CDH18: variants seen among roughly 807,000 people sequenced by gnomAD.
The protein encoded by CDH18 is cadherin 18, also known as cadherin-18.
In CDH18, 31 loss-of-function variants were observed where a neutral mutation model predicts 67.9. The observed-to-expected ratio is 0.46, with a 90% CI of 0.34 to 0.62. The LOEUF (loss-of-function observed/expected upper bound fraction) is 0.62. CDH18 is among the 20% of genes least tolerant of loss of function. The probability of loss-of-function intolerance (pLI) is 0.01; values close to 1 mark genes in which losing one functional copy is unlikely to be tolerated. For synonymous variants in CDH18, 362 were observed against 347.2 expected, an observed-to-expected ratio of 1.04 and a Z score of -0.48; for missense variants, 890 against 975.5, an observed-to-expected ratio of 0.91 and a Z score of 1.17.
intron 5 of CDH18, among the ~76,000 whole-genome samples, chr5:19,648,034 C>T (rs536668688): frequency 6.6e-6 from 1 of 151,732 alleles, no homozygotes; most frequent in South Asian, 2.1e-4. Flanking sequence ...GCAGAACTGT[C>T]AAACTTACCA....
chr5:20,514,532 CAA>C (rs1755239865), intron 1 of CDH18, among the ~76,000 whole-genome samples: 1 of 152,002 alleles, frequency 6.6e-6, no homozygotes, highest in Non-Finnish European at 1.5e-5. Context: ...TGATCGTTGA[CAA>C]GGGTTATTTT....
intron 1 of CDH18, among the ~76,000 whole-genome samples, chr5:20,266,463 G>C (rs1386008129): frequency 6.6e-6 from 1 of 151,910 alleles, no homozygotes; most frequent in East Asian, 1.9e-4. Context: ...GAGTACAGTG[G>C]TGCGATTTCA....
intron 5 of CDH18, among the ~76,000 whole-genome samples, chr5:19,688,690 A>G (rs1047587832): frequency 2.6e-5 from 4 of 152,182 alleles, no homozygotes; most frequent in African/African-American, 9.6e-5. Flanking sequence ...AACAGATTTC[A>G]ATAAAAAAAG....
At chr5:19,994,707 A>G (rs1338142388) in intron 2 of CDH18, among the ~76,000 whole-genome samples, 1 of 13,602 alleles carries the variant, frequency 7.4e-5, no homozygotes, top group Non-Finnish European at 1.2e-4. Flanking sequence ...TCCAGTATAT[A>G]TATATATATA....
chr5:19,849,939 G>C (rs1395581372), intron 2 of CDH18, among the ~76,000 whole-genome samples: 1 of 151,584 alleles, frequency 6.6e-6, no homozygotes, highest in Non-Finnish European at 1.5e-5. Context: ...ATTTGTCTCA[G>C]ATGAAATTTG....
At chr5:20,441,885 T>C (rs1004126471) in intron 1 of CDH18, among the ~76,000 whole-genome samples, 2 of 151,868 alleles carry the variant, frequency 1.3e-5, no homozygotes, top group African/African-American at 2.4e-5. Flanking sequence ...ATTATGTGCA[T>C]AACACCAATA....
chr5:19,848,980 C>A, intron 2 of CDH18, among the ~76,000 whole-genome samples: 1 of 149,350 alleles, frequency 6.7e-6, no homozygotes, highest in Non-Finnish European at 1.5e-5. Context: ...TATAATATAG[C>A]CTATATAAAA....
intron 9 of CDH18, among the ~76,000 whole-genome samples, chr5:19,525,125 T>C (rs1301916536): frequency 1.3e-5 from 2 of 152,180 alleles, no homozygotes; most frequent in Non-Finnish European, 2.9e-5. Flanking sequence ...ATGAAAGGAT[T>C]CTGGAAAAAC....
At chr5:20,215,281 A>AGCAGT in intron 2 of CDH18, among the ~76,000 whole-genome samples, 1 of 152,010 alleles carries the variant, frequency 6.6e-6, no homozygotes, top group East Asian at 1.9e-4. Context: ...TGAATAAGGT[A>AGCAGT]GCAGTAGATT....
At chr5:20,320,852 C>A (rs1172720874) in intron 1 of CDH18, among the ~76,000 whole-genome samples, 1 of 152,146 alleles carries the variant, frequency 6.6e-6, no homozygotes, top group East Asian at 1.9e-4. Flanking sequence ...GCCAACTGCA[C>A]TGCAGGCAAC....
intron 1 of CDH18, among the ~76,000 whole-genome samples, chr5:20,559,509 G>A (rs1026942647): frequency 6.6e-6 from 1 of 152,036 alleles, no homozygotes; most frequent in African/African-American, 2.4e-5. Flanking sequence ...AGTTCCAAAA[G>A]TACTCAATTT....
intron 2 of CDH18, among the ~76,000 whole-genome samples, chr5:20,155,814 C>A (rs1278313157): frequency 6.6e-6 from 1 of 152,032 alleles, no homozygotes; most frequent in Admixed American, 6.6e-5. Context: ...TGCCTGAAAT[C>A]ATTTATTGAA....
intron 2 of CDH18, among the ~76,000 whole-genome samples, chr5:20,030,439 A>C (rs878977732): frequency 2.6e-5 from 4 of 152,174 alleles, no homozygotes; most frequent in Non-Finnish European, 4.4e-5. Flanking sequence ...CAAATCTTAC[A>C]TCTGATTATT....
chr5:19,599,664 A>C (rs1037217389), intron 6 of CDH18, among the ~76,000 whole-genome samples: 9 of 152,150 alleles, frequency 5.9e-5, no homozygotes, highest in African/African-American at 2.4e-5. Flanking sequence ...GCACTTTGGG[A>C]GGCCGAGGCG....
intron 2 of CDH18, among the ~76,000 whole-genome samples, chr5:20,109,553 A>T (rs58817039): frequency 0.043 from 6,531 of 152,248 alleles, 485 homozygotes; most frequent in African/African-American, 0.15. Context: ...CCAGTGTCTA[A>T]CTGACTTGCA....
At chr5:20,028,523 T>G (rs1202192921) in intron 2 of CDH18, among the ~76,000 whole-genome samples, 3 of 152,144 alleles carry the variant, frequency 2.0e-5, no homozygotes, top group African/African-American at 7.2e-5. Flanking sequence ...ATATAAAGGT[T>G]CAGGCAAGAA....
intron 2 of CDH18, among the ~76,000 whole-genome samples, chr5:20,231,547 C>G (rs1742078180): frequency 6.6e-6 from 1 of 150,928 alleles, no homozygotes; most frequent in African/African-American, 2.4e-5. Flanking sequence ...TGCAGTGAGC[C>G]AAGATCGCAC....
At chr5:19,551,528 A>G (rs977553431) in intron 8 of CDH18, among the ~76,000 whole-genome samples, 1 of 152,182 alleles carries the variant, frequency 6.6e-6, no homozygotes, top group Non-Finnish European at 1.5e-5. Context: ...AGAACCATTT[A>G]CATAATAATT....
At chr5:20,343,267 G>C (rs1220643034) in intron 1 of CDH18, among the ~76,000 whole-genome samples, 1 of 152,110 alleles carries the variant, frequency 6.6e-6, no homozygotes, top group African/African-American at 2.4e-5. Flanking sequence ...AAAACTGATA[G>C]GAAGCCTACT....
Sources: gnomAD v4.1 joint callset for allele counts (sites outside exome capture counted in the v4.1 genomes callset) on GRCh38, gnomAD v4.1.1 for gene constraint, MANE v1.5 for transcripts, NCBI Gene and HGNC (gene_info 2026-07-23, HGNC 2026-07-21) for gene names.